ARB2A: variants seen among roughly 807,000 people sequenced by gnomAD.
The protein encoded by ARB2A is cotranscriptional regulator ARB2A.
chr5:93,701,589 T>A, the ARB2A span, among the ~76,000 whole-genome samples: 30 of 152,140 alleles, frequency 2.0e-4, no homozygotes, highest in African/African-American at 5.3e-4. Flanking sequence ...TTTTTTTTTT[T>A]AATTATTTCA....
At chr5:94,041,094 GTCTCTC>G in the ARB2A span, among the ~76,000 whole-genome samples, 2 of 148,290 alleles carry the variant, frequency 1.3e-5, no homozygotes, top group South Asian at 2.1e-4. Context: ...GTCTCTCTCG[GTCTCTC>G]TCTCTCTCTC....
chr5:94,107,528 G>T, the ARB2A span, among the ~76,000 whole-genome samples: 2 of 130,126 alleles, frequency 1.5e-5, no homozygotes, highest in South Asian at 2.5e-4. Flanking sequence ...ACATTCAATA[G>T]TTAAAAAAAA....
chr5:93,927,451 C>T, the ARB2A span, among the ~76,000 whole-genome samples: 1 of 152,178 alleles, frequency 6.6e-6, no homozygotes, highest in Admixed American at 6.5e-5. Flanking sequence ...CCTCCTCCCT[C>T]ACCCCGGACA....
the ARB2A span, among the ~76,000 whole-genome samples, chr5:93,835,997 T>C: frequency 1.3e-5 from 2 of 152,308 alleles, no homozygotes; most frequent in East Asian, 1.9e-4. Context: ...CATCTTGTAC[T>C]CAACCAATCC....
chr5:93,998,089 C>G, the ARB2A span, among the ~76,000 whole-genome samples: 1 of 151,812 alleles, frequency 6.6e-6, no homozygotes, highest in African/African-American at 2.4e-5. Flanking sequence ...CTTGTGCACT[C>G]TCTCCTGTAA....
chr5:93,950,960 A>T, the ARB2A span, among the ~76,000 whole-genome samples: 16 of 146,762 alleles, frequency 1.1e-4, no homozygotes, highest in Admixed American at 2.0e-4. Context: ...AAAAAAAAAT[A>T]AAATAAAATA....
the ARB2A span, among the ~76,000 whole-genome samples, chr5:93,948,653 TAA>T: frequency 6.6e-6 from 1 of 152,210 alleles, no homozygotes; most frequent in Admixed American, 6.5e-5. Context: ...GTCTAACGTT[TAA>T]GTCTTTAATC....
chr5:93,986,125 G>T, the ARB2A span, among the ~76,000 whole-genome samples: 15 of 150,638 alleles, frequency 1.0e-4, no homozygotes, highest in African/African-American at 3.4e-4. Flanking sequence ...CGTCTGGGAG[G>T]TGAGGAGCGC....
chr5:93,920,178 T>C, the ARB2A span, among the ~76,000 whole-genome samples: 14 of 152,166 alleles, frequency 9.2e-5, no homozygotes, highest in Non-Finnish European at 1.6e-4. Context: ...GGATCATAGG[T>C]ACTGGCACAT....
chr5:93,983,372 T>C, the ARB2A span, among the ~76,000 whole-genome samples: 2 of 152,180 alleles, frequency 1.3e-5, no homozygotes, highest in Non-Finnish European at 2.9e-5. Flanking sequence ...GAGTGGCTTA[T>C]ACATTTTAAA....
chr5:93,982,593 G>A, the ARB2A span, among the ~76,000 whole-genome samples: 1 of 152,120 alleles, frequency 6.6e-6, no homozygotes, highest in African/African-American at 2.4e-5. Context: ...CTTTGTTGCT[G>A]TATGAACATC....
the ARB2A span, among the ~76,000 whole-genome samples, chr5:93,628,847 C>G: frequency 6.6e-6 from 1 of 152,226 alleles, no homozygotes; most frequent in African/African-American, 2.4e-5. Context: ...TCTATCCAGA[C>G]TACTCAAACT....
chr5:93,776,107 T>C, the ARB2A span: 1 of 1,398,948 alleles, frequency 7.1e-7, no homozygotes, highest in South Asian at 1.3e-5. Flanking sequence ...CATTAGCATA[T>C]TTTTCACCCT....
At chr5:93,659,092 T>C in the ARB2A span, among the ~76,000 whole-genome samples, 17 of 152,138 alleles carry the variant, frequency 1.1e-4, no homozygotes, top group East Asian at 3.3e-3. Context: ...CAGTACACAA[T>C]TTTTATCAAG....
chr5:93,639,470 A>G, the ARB2A span, among the ~76,000 whole-genome samples: 20 of 151,532 alleles, frequency 1.3e-4, no homozygotes, highest in South Asian at 2.1e-4. Context: ...AAATCCCACA[A>G]TGCAACTGCC....
the ARB2A span, among the ~76,000 whole-genome samples, chr5:93,670,235 C>A: frequency 6.6e-6 from 1 of 152,186 alleles, no homozygotes; most frequent in Admixed American, 6.5e-5. Flanking sequence ...CTTGTTCCCC[C>A]ACCAATCCAC....
At chr5:93,939,317 C>A in the ARB2A span, among the ~76,000 whole-genome samples, 1 of 152,080 alleles carries the variant, frequency 6.6e-6, no homozygotes, top group East Asian at 1.9e-4. Flanking sequence ...ATAAATTGAT[C>A]CTTATTATTG....
chr5:93,939,878 A>G, the ARB2A span, among the ~76,000 whole-genome samples: 20 of 152,182 alleles, frequency 1.3e-4, no homozygotes, highest in South Asian at 1.2e-3. Context: ...CCATTTCTGC[A>G]TGGCAGTCCT....
At chr5:94,031,884 C>G in the ARB2A span, among the ~76,000 whole-genome samples, 2 of 152,206 alleles carry the variant, frequency 1.3e-5, no homozygotes, top group Non-Finnish European at 2.9e-5. Context: ...TGGCACAATG[C>G]CATGGCTCAA....
Sources: allele counts gnomAD v4.1 joint callset (sites outside exome capture counted in the v4.1 genomes callset), GRCh38; gene constraint gnomAD v4.1.1; transcripts MANE v1.5; gene names NCBI Gene and HGNC (gene_info 2026-07-23, HGNC 2026-07-21).